KRT10: variants seen among roughly 807,000 people sequenced by gnomAD.
KRT10 encodes keratin, type I cytoskeletal 10.
A neutral mutation model predicts 59.2 loss-of-function variants in KRT10; 40 were observed. That is an observed-to-expected ratio of 0.68 (90% confidence interval 0.52 to 0.88). The LOEUF (loss-of-function observed/expected upper bound fraction) is 0.88, where lower values mean the gene tolerates loss of function less well. Among genes scored for constraint, KRT10 ranks in the 40% least tolerant of loss-of-function variants. The pLI is 0.00. For synonymous variants in KRT10, 336 were observed against 310.7 expected (o/e 1.08, Z -0.86); for missense variants, 719 against 749.1 (o/e 0.96, Z 0.47).
chr17:40,819,456 G>T, intron 6 of KRT10, 61 bp downstream of exon 6: 1 of 1,476,010 alleles, frequency 6.8e-7, no homozygotes, highest in Non-Finnish European at 9.5e-7. Flanking sequence ...GTTTAGATAA[G>T]CCTTGCTATC....
At position 40,819,670 on chromosome 17, in the gene KRT10, A is replaced by G. The variant is rs2143135193; in HGVS notation, c.1220T>C (p.Ile407Thr). 2 of 1,614,186 alleles carry G rather than the reference A, an allele frequency of 1.2e-6. No individual in the cohort carries two copies. Among genetic ancestry groups the G allele is most frequent in the Non-Finnish European group, 1.7e-6 (2 of 1,180,038 alleles). The change falls in exon 6 of 8, where the codon ATT becomes ACT. Residue 407 changes from isoleucine to threonine, a missense_variant. Ile to Thr is a moderately conservative substitution (Grantham distance 89). Transcript: ENST00000269576. ...EGRYCVQLSQ[I>T]QAQISALEEQ... The stretch of plus-strand genomic sequence containing the variant: ...TTCCAGAGCGGATATCTGGGCCTGA[A>G]TCTGTGAGAGCTGCACACAGTAGCG...
At position 40,821,122 on chromosome 17, in the gene KRT10, A is replaced by G; in HGVS notation, c.628-5T>C. 2 of 1,607,086 alleles carry G rather than the reference A, an allele frequency of 1.2e-6. No individual in the cohort carries two copies. Among genetic ancestry groups the G allele is most frequent in the Non-Finnish European group, 1.7e-6 (2 of 1,173,678 alleles). ...ATCAGTTGTTAGGTTGAGAATCTGG[A>G]GGGAGAGGCACAGTTATTTGAGAAG... On this transcript the variant is annotated splice_polypyrimidine_tract_variant and splice_region_variant and intron_variant, in intron 1 of 7. Coordinates refer to ENST00000269576, the MANE Select transcript of KRT10 (RefSeq NM_000421.5).
intron 5 of KRT10, 148 bp downstream of exon 5, chr17:40,819,901 G>A (rs1905269593): frequency 9.0e-7 from 1 of 1,106,840 alleles, no homozygotes; most frequent in Non-Finnish European, 1.4e-6. Context: ...ATCAACACTA[G>A]TAGTACTTTT....
rs779327074 is a variant in KRT10 at position 40,820,212 on chromosome 17, C to A, written c.1030-38G>T. 11 of 1,614,036 alleles carry A rather than the reference C, an allele frequency of 6.8e-6. 1 individual carries two copies. The highest frequency in any genetic ancestry group is 9.3e-6 in the Non-Finnish European group (11 of 1,180,022). On this transcript the variant is annotated intron_variant, in intron 4 of 7. Coordinates refer to ENST00000269576, the MANE Select transcript of KRT10 (RefSeq NM_000421.5). ...AAACAAGGAAAAGGGTGAGGAAATTCTGAAATGATAAAACCTCCATGAGTT... is the reference window on the plus strand; with the variant it reads ...AAACAAGGAAAAGGGTGAGGAAATTATGAAATGATAAAACCTCCATGAGTT...
rs1402934068 is a variant in KRT10, at chr17:40,818,939, ACCACCGTAGCCGCCGCTGGAACTG to A, written c.1572_1595del (p.Ser525_Gly532del). On this transcript the variant is annotated inframe_deletion, in exon 7 of 8. Coordinates refer to ENST00000269576, the MANE Select transcript of KRT10 (RefSeq NM_000421.5). ...CGCCGCCGCCGCCGCCGGAACTGCC[ACCACCGTAGCCGCCGCTGGAACTG>A]CCGCCGTGGCCGCCGCTGGAGCTTC... 4 of 1,247,704 alleles carry A rather than the reference ACCACCGTAGCCGCCGCTGGAACTG, an allele frequency of 3.2e-6. No individual in the cohort carries two copies. The highest frequency in any genetic ancestry group is 3.5e-5 in the South Asian group (2 of 56,726). The allele number at this position is 1,247,704 out of a possible 1,614,324, so 77.3% of individuals were successfully genotyped here. A position where few individuals can be genotyped will look rare whatever the true frequency, so the allele number is the denominator to read the frequency against.
Position 40,822,341 on chromosome 17 carries a change from C to A in KRT10, c.245G>T (p.Gly82Val). 1.3e-6 allele frequency: 2 copies of A among 1,598,082 alleles called. No homozygotes were observed. The highest frequency in any genetic ancestry group is 8.5e-7 in the Non-Finnish European group (1 of 1,171,198). The change falls in exon 1 of 8, where the codon GGA becomes GTA. Residue 82 changes from glycine to valine, a missense_variant. By Grantham distance (109) the Gly-to-Val change is moderately radical. Coordinates refer to ENST00000269576, the MANE Select transcript of KRT10 (RefSeq NM_000421.5). ...GGYGGLGGFG[G>V]GSFRGSYGSS... is the part of the protein sequence containing the mutation. ...TCCATAGCTTCCACGAAAGCTACCT[C>A]CACCAAAACCTCCTAATCCTCCATA...
At position 40,822,186 on chromosome 17, in the gene KRT10, C is replaced by T; in HGVS notation, c.400G>A (p.Gly134Arg). Residue 134 changes from glycine (G) to arginine (R), a missense_variant, in exon 1 of 8, where the codon GGA becomes AGA. Physicochemically the swap from Gly to Arg is moderately radical, Grantham distance 125. Around this residue, in one of 4 missense-constraint regions of KRT10, gnomAD observed 176 missense variants for 175.7 expected, o/e 1.00. Coordinates refer to ENST00000269576, the MANE Select transcript of KRT10 (RefSeq NM_000421.5). ...AGAAGGCCACCATCTCCTCCAAATCCACCACCAAAGCCTCCTCCAAAGCCG... is the reference window on the plus strand; with the variant it reads ...AGAAGGCCACCATCTCCTCCAAATCTACCACCAAAGCCTCCTCCAAAGCCG... ...GGGFGGGFGGGFGGDGGLLSG... is the reference protein window; with the variant it reads ...GGGFGGGFGGRFGGDGGLLSG... 1.2e-6 allele frequency: 2 copies of T among 1,613,826 alleles called. No homozygotes were observed. The highest frequency in any genetic ancestry group is 1.1e-5 in the South Asian group (1 of 91,050).
chr17:40,821,943 TA>T lies in KRT10; in HGVS notation c.627+15del, dbSNP rs754396797. ...TGGACAAGATACTTAAAGCTGGATT[TA>T]AAAATACCTCTTACCTGATTTTTAA... On this transcript the variant is annotated intron_variant, in intron 1 of 7. Coordinates refer to ENST00000269576, the MANE Select transcript of KRT10 (RefSeq NM_000421.5). 6.2e-7 allele frequency: 1 copy of T among 1,613,696 alleles called. No homozygotes were observed.
Position 40,818,999 on chromosome 17 carries a change from G to GCCT in KRT10, c.1535_1536insAGG (p.Gly512dup), listed in dbSNP as rs1567706758. ...CGCCGCTGGAGCTTCCGCCCCCGTA[G>GCCT]CCGCCGCCGGAGCTTCCGCCGCCGG... On this transcript the variant is annotated inframe_insertion, in exon 7 of 8. Coordinates refer to ENST00000269576, the MANE Select transcript of KRT10 (RefSeq NM_000421.5). 1.0e-5 allele frequency: 14 copies of GCCT among 1,378,940 alleles called. No homozygotes were observed. The South Asian group carries it at 1.7e-4, about 17-fold the overall frequency. The allele number at this position is 1,378,940 out of a possible 1,614,324, so 85.4% of individuals were successfully genotyped here.
chr17:40,819,063 T>TGGCCGCCGC lies in KRT10; in HGVS notation c.1463_1471dup (p.Gly490_His491insArgGlyGly). Reference sequence around the variant, plus strand: ...GTAGCCGCCGCCGGAACTGCCGCCGTGGCCGCCGCCGTGGCCGCCGCCGGA... The same window carrying TGGCCGCCGC: ...GTAGCCGCCGCCGGAACTGCCGCCGTGGCCGCCGCGGCCGCCGCCGTGGCCGCCGCCGGA... On this transcript the variant is annotated inframe_insertion, in exon 7 of 8. Coordinates refer to ENST00000269576, the MANE Select transcript of KRT10 (RefSeq NM_000421.5). 1.4e-6 allele frequency: 1 copy of TGGCCGCCGC among 712,004 alleles called. No individual in the cohort carries two copies. Among genetic ancestry groups the TGGCCGCCGC allele is most frequent in the East Asian group, 8.2e-5 (1 of 12,222 alleles). The allele number at this position is 712,004 out of a possible 1,614,324, so 44.1% of individuals were successfully genotyped here. A position where few individuals can be genotyped will look rare whatever the true frequency, so the allele number is the denominator to read the frequency against.
chr17:40,822,049 C>T lies in KRT10; in HGVS notation c.537G>A (p.Lys179=). 1.2e-6 allele frequency: 2 copies of T among 1,614,130 alleles called. No homozygotes were observed. The highest frequency in any genetic ancestry group is 1.7e-6 in the Non-Finnish European group (2 of 1,180,022). The change falls in exon 1 of 8, where the codon AAG becomes AAA. Residue 179 remains lysine (K), a synonymous_variant. Coordinates refer to ENST00000269576, the MANE Select transcript of KRT10 (RefSeq NM_000421.5). ...AGTTGCCATGCTTTTCATACCACTC[C>T]TTGATTTTGCCTTCCAGCTCATAGT... The part of the protein sequence containing the change: ...ESNYELEGKI[K]EWYEKHGNSH...
intron 2 of KRT10, 44 bp from the exon 3 acceptor site, chr17:40,820,711 G>A (rs1905333182): frequency 6.2e-7 from 1 of 1,604,840 alleles, no homozygotes; most frequent in Non-Finnish European, 8.5e-7. Flanking sequence ...CTTATATAGG[G>A]GAGATGTATC....
chr17:40,822,300 C>T lies in KRT10; in HGVS notation c.286G>A (p.Gly96Arg). Residue 96 changes from glycine to arginine, a missense_variant, in exon 1 of 8, where the codon GGG becomes AGG. Physicochemically the swap from Gly to Arg is moderately radical, Grantham distance 125. Coordinates refer to ENST00000269576, the MANE Select transcript of KRT10 (RefSeq NM_000421.5). ...CCTCCAAAGATGCCTCCATAACTCCCACCAAAGCTGCTACTTCCATAGCTT... is the reference window on the plus strand; with the variant it reads ...CCTCCAAAGATGCCTCCATAACTCCTACCAAAGCTGCTACTTCCATAGCTT... ...RGSYGSSSFG[G>R]SYGGIFGGGS... 6.3e-7 allele frequency: 1 copy of T among 1,599,890 alleles called. No individual in the cohort carries two copies. Among genetic ancestry groups the T allele is most frequent in the Non-Finnish European group, 8.5e-7 (1 of 1,172,100 alleles).
At chr17:40,820,750 C>T in intron 2 of KRT10, 83 bp from the exon 3 acceptor site, 5 of 1,395,310 alleles carry the variant, frequency 3.6e-6, no homozygotes, top group Non-Finnish European at 5.0e-6. Context: ...AAAGCAGCTA[C>T]ATAGTTGATC....
rs1167464133 is a variant in KRT10 at position 40,819,014 on chromosome 17, T to TCCGCCTCCGTAG, written c.1520_1521insCTACGGAGGCGG (p.Gly507_Ser508insTyrGlyGlyGly). ...CGCCCCCGTAGCCGCCGCCGGAGCTTCCGCCGCCGGAGCTTCCGCCTCCGT... is the reference window on the plus strand; with the variant it reads ...CGCCCCCGTAGCCGCCGCCGGAGCTTCCGCCTCCGTAGCCGCCGCCGGAGCTTCCGCCTCCGT... On this transcript the variant is annotated inframe_insertion, in exon 7 of 8. Coordinates refer to ENST00000269576, the MANE Select transcript of KRT10 (RefSeq NM_000421.5). 12 of 1,235,244 alleles carry TCCGCCTCCGTAG rather than the reference T, an allele frequency of 9.7e-6. No homozygotes were observed. Among genetic ancestry groups the TCCGCCTCCGTAG allele is most frequent in the East Asian group, 4.6e-5 (1 of 21,670 alleles). 76.5% of individuals were successfully genotyped at this position (1,235,244 alleles called of 1,614,324 possible).
At chr17:40,819,854 A>G (rs964534177) in intron 5 of KRT10, 120 bp from the exon 6 acceptor site, 54 of 1,115,972 alleles carry the variant, frequency 4.8e-5, no homozygotes, top group South Asian at 4.3e-4. Flanking sequence ...AATTTGTTGT[A>G]TGTTTAATGG....
chr17:40,820,445 T>A, intron 3 of KRT10, 22 bp from the exon 4 acceptor site: 1 of 1,614,168 alleles, frequency 6.2e-7, no homozygotes, highest in Non-Finnish European at 8.5e-7. Flanking sequence ...ACAGAAAGAT[T>A]TATTGGCTAC....
intron 1 of KRT10, 97 bp downstream of exon 1, chr17:40,821,862 A>C: frequency 7.9e-7 from 1 of 1,259,890 alleles, no homozygotes; most frequent in Non-Finnish European, 1.2e-6. Flanking sequence ...TAACATGGGT[A>C]AGCATAGTGA....
intron 7 of KRT10, 128 bp from the exon 8 acceptor site, chr17:40,818,610 G>A (rs1457712612): frequency 7.8e-7 from 1 of 1,277,394 alleles, no homozygotes; most frequent in African/African-American, 1.5e-5. Flanking sequence ...CTTAAGGTAT[G>A]ACATTTTGAT....
Sources: allele counts gnomAD v4.1 joint callset, GRCh38; gene constraint gnomAD v4.1.1; regional missense constraint gnomAD v4.1.1; transcripts MANE v1.5; gene names NCBI Gene and HGNC (gene_info 2026-07-23, HGNC 2026-07-21).